Variants in DHX40 observed in about 807,000 individuals in gnomAD.
DHX40 encodes probable ATP-dependent RNA helicase DHX40.
In DHX40, 28 loss-of-function variants were observed where a neutral mutation model predicts 89.6. The observed-to-expected ratio is 0.31, with a 90% CI of 0.23 to 0.43. The LOEUF (loss-of-function observed/expected upper bound fraction) is 0.43, where lower values mean the gene tolerates loss of function less well. Ranked by LOEUF, DHX40 falls within the 20% of genes least tolerant of loss-of-function variation. The pLI, the probability that DHX40 is intolerant of heterozygous loss-of-function variation, is 1.00. For missense variants in DHX40, 457 were observed against 844.0 expected (o/e 0.54, Z 5.68); for synonymous variants, 226 against 283.6 (o/e 0.80, Z 2.04).
At chr17:59,593,815 C>A (rs962578438) in intron 12 of DHX40, among the ~76,000 whole-genome samples, 7 of 151,918 alleles carry the variant, frequency 4.6e-5, no homozygotes, top group Admixed American at 6.6e-5. Context: ...AACAAAAAAA[C>A]TTTAATTCGT....
chr17:59,574,686 A>G (rs2048856671), intron 6 of DHX40, among the ~76,000 whole-genome samples: 3 of 151,550 alleles, frequency 2.0e-5, no homozygotes, highest in Admixed American at 2.0e-4. Context: ...TCTTAGATAG[A>G]AATGTAACCT....
intron 14 of DHX40, among the ~76,000 whole-genome samples, chr17:59,601,864 C>T (rs1056943668): frequency 3.9e-5 from 6 of 152,136 alleles, no homozygotes; most frequent in African/African-American, 1.4e-4. Context: ...CTAGTTATTC[C>T]CCTCTACTGA....
chr17:59,575,374 T>C lies in DHX40; in HGVS notation c.876T>C (p.Leu292=). Residue 292 remains leucine, a synonymous_variant, in exon 7 of 18, where the codon CTT becomes CTC. Transcript: ENST00000251241. ...AAATAGAAAAAAGTTGTGAGTTACT[T>C]TTTCAGATGGCAGAGTCTGTTGATT... ...QFEIEKSCEL[L]FQMAESVDYD... 3 of 1,599,652 alleles carry C rather than the reference T, an allele frequency of 1.9e-6. No individual in the cohort carries two copies. Among genetic ancestry groups the C allele is most frequent in the Non-Finnish European group, 2.6e-6 (3 of 1,174,998 alleles).
At chr17:59,587,096 T>G (rs1327697159) in intron 11 of DHX40, among the ~76,000 whole-genome samples, 2 of 148,644 alleles carry the variant, frequency 1.3e-5, no homozygotes, top group African/African-American at 2.5e-5. Flanking sequence ...AGGGGTGCAG[T>G]GAGCTGAGGA....
chr17:59,573,106 T>G lies in DHX40; in HGVS notation c.427-10T>G, dbSNP rs2048833581. ...GGTGAATTCCTGTGACACTGCTGTT[T>G]GAACATTAGGAGACAGCAATCAAAT... On this transcript the variant is annotated splice_polypyrimidine_tract_variant and intron_variant, in intron 3 of 17. Transcript: ENST00000251241. 1.9e-6 allele frequency: 3 copies of G among 1,600,216 alleles called. No individual in the cohort carries two copies.
intron 16 of DHX40, 113 bp downstream of exon 16, chr17:59,605,297 A>C: frequency 8.0e-7 from 1 of 1,255,828 alleles, no homozygotes; most frequent in South Asian, 1.3e-5. Context: ...TATCTATATT[A>C]CATAGATCTA....
rs777504695 is a variant in DHX40 at position 59,577,376 on chromosome 17, T to C, written c.1073+11T>C. On this transcript the variant is annotated intron_variant, in intron 8 of 17. Coordinates refer to ENST00000251241, the MANE Select transcript of DHX40 (RefSeq NM_024612.5). The stretch of plus-strand genomic sequence containing the variant: ...AATAGATGGAATCAGGTAAAACTTT[T>C]GAACTTTCTCTTAAAGTCAAGGAAG... The C allele has an allele frequency of 2.5e-6, 4 of 1,608,846 alleles. No individual in the cohort carries two copies. Among genetic ancestry groups the C allele is most frequent in the South Asian group, 1.1e-5 (1 of 90,946 alleles).
Position 59,587,933 on chromosome 17 carries a change from G to A in DHX40, c.1462G>A (p.Glu488Lys). The A allele has an allele frequency of 6.2e-7, 1 of 1,613,558 alleles. No homozygotes were observed. The change falls in exon 12 of 18, where the codon GAG becomes AAG. Residue 488 changes from glutamate (E) to lysine (K), a missense_variant. Physicochemically the swap from Glu to Lys is moderately conservative, Grantham distance 56. Around this residue, in one of 9 missense-constraint regions of DHX40, gnomAD observed 19 missense variants for 110.3 expected, o/e 0.17. Transcript: ENST00000251241. ...CACCAGATTGGGTTTGTCTATGGTG[G>A]AGTTTCCTTTGCCTCCACATCTGAC... Reference protein sequence around the residue: ...HVTRLGLSMVEFPLPPHLTCA... With the variant: ...HVTRLGLSMVKFPLPPHLTCA...
At chr17:59,587,025 T>C (rs143571169) in intron 11 of DHX40, among the ~76,000 whole-genome samples, 8,750 of 151,754 alleles carry the variant, frequency 0.058, 708 homozygotes, top group African/African-American at 0.19. Flanking sequence ...TGTTGGCACA[T>C]GCCAGTAGTC....
chr17:59,570,873 T>C (rs1314307088), intron 3 of DHX40, among the ~76,000 whole-genome samples: 3 of 151,964 alleles, frequency 2.0e-5, no homozygotes, highest in African/African-American at 7.3e-5. Flanking sequence ...ACAGAAAGAG[T>C]GGAGAGAGTT....
In DHX40 at chr17:59,570,651, T is replaced by C. The variant is rs769107180; in HGVS notation, c.414T>C (p.Asp138=). 17 of 1,607,848 alleles carry C rather than the reference T, an allele frequency of 1.1e-5. No homozygotes were observed. The highest frequency in any genetic ancestry group is 8.4e-5 in the Admixed American group (5 of 59,174). The change falls in exon 3 of 18, where the codon GAT becomes GAC. Residue 138 remains aspartate, a synonymous_variant. Transcript: ENST00000251241. ...SKVGYQVRFD[D]CSSKETAIKY... ...TAGGATACCAAGTTCGTTTTGATGA[T>C]TGCAGTTCTAAGGTACAAAAGTCTT...
In DHX40 at chr17:59,607,367, G is replaced by T. The variant is rs1443544806; in HGVS notation, c.*195G>T. 9.5e-7 allele frequency: 1 copy of T among 1,053,502 alleles called. No homozygotes were observed. Among genetic ancestry groups the T allele is most frequent in the Non-Finnish European group, 1.4e-6 (1 of 714,404 alleles). The allele number at this position is 1,053,502 out of a possible 1,614,324, so 65.3% of individuals were successfully genotyped here. A position where few individuals can be genotyped will look rare whatever the true frequency, so the allele number is the denominator to read the frequency against. ...AATGCAGTTGTCAAAGAAAAGATTT[G>T]GTTGCCATAGTCATAAGCAATGATA... On this transcript the variant is annotated 3_prime_UTR_variant, in exon 18 of 18. Coordinates refer to ENST00000251241, the MANE Select transcript of DHX40 (RefSeq NM_024612.5).
intron 2 of DHX40, 72 bp from the exon 3 acceptor site, chr17:59,570,446 C>T: frequency 2.7e-6 from 4 of 1,465,004 alleles, no homozygotes; most frequent in South Asian, 1.4e-5. Context: ...GTTGATTGGC[C>T]AAAAACAATT....
chr17:59,570,428 A>G, intron 2 of DHX40, 90 bp from the exon 3 acceptor site: 1 of 1,270,258 alleles, frequency 7.9e-7, no homozygotes, highest in Non-Finnish European at 1.1e-6. Flanking sequence ...ACATTCAAGC[A>G]GTTTTGTGTT....
At chr17:59,573,631 T>C (rs1455242269) in intron 4 of DHX40, 109 bp from the exon 5 acceptor site, 16 of 1,233,430 alleles carry the variant, frequency 1.3e-5, no homozygotes, top group East Asian at 7.6e-5. Flanking sequence ...CTCCTACTTA[T>C]ATTTTAATGT....
intron 13 of DHX40, 58 bp downstream of exon 13, chr17:59,598,909 G>C (rs553673246): frequency 1.6e-6 from 2 of 1,282,298 alleles, no homozygotes; most frequent in African/African-American, 2.9e-5. Flanking sequence ...GTTCCAATAC[G>C]TACTTATGAT....
intron 12 of DHX40, among the ~76,000 whole-genome samples, chr17:59,589,263 C>T (rs2049046297): frequency 7.1e-6 from 1 of 141,302 alleles, no homozygotes; most frequent in Non-Finnish European, 1.5e-5. Context: ...GCTCTGTCAC[C>T]CGGGCTGGAG....
intron 10 of DHX40, 69 bp from the exon 11 acceptor site, chr17:59,586,084 T>G: frequency 8.7e-7 from 1 of 1,143,116 alleles, no homozygotes; most frequent in Non-Finnish European, 1.2e-6. Context: ...GAAATTTTCG[T>G]CATGTCTATA....
At chr17:59,576,998 T>C (rs1222885850) in intron 7 of DHX40, 2 of 390,728 alleles carry the variant, frequency 5.1e-6, no homozygotes, top group Non-Finnish European at 9.8e-6. Context: ...GCCTCCCGAG[T>C]AGCTGGGACT....
Sources: allele counts gnomAD v4.1 joint callset (sites outside exome capture counted in the v4.1 genomes callset), GRCh38; gene constraint gnomAD v4.1.1; regional missense constraint gnomAD v4.1.1; transcripts MANE v1.5; gene names NCBI Gene and HGNC (gene_info 2026-07-23, HGNC 2026-07-21).